The following SDK1 variants were observed in gnomAD, a reference collection of about 807,000 sequenced individuals.
SDK1 encodes protein sidekick-1.
A neutral mutation model predicts 245.5 loss-of-function variants in SDK1; 157 were observed. The observed-to-expected ratio is 0.64, with a 90% confidence interval of 0.56 to 0.73. SDK1 has a LOEUF of 0.73. Among genes scored for constraint, SDK1 ranks in the 30% least tolerant of loss-of-function variants. The probability of loss-of-function intolerance (pLI) is 0.00; values close to 1 mark genes in which losing one functional copy is unlikely to be tolerated. For missense variants in SDK1, 3,583 were observed against 3,002.3 expected (o/e 1.19, Z -4.52); for synonymous variants, 1,647 against 1,278.5 (o/e 1.29, Z -6.15).
chr7:4,201,714 C>T (rs981871136), intron 35 of SDK1, among the ~76,000 whole-genome samples: 3 of 150,198 alleles, frequency 2.0e-5, no homozygotes, highest in Non-Finnish European at 1.5e-5. Context: ...AGACACCCAG[C>T]ATGGCACAGG....
In SDK1 at chr7:3,434,995, A is replaced by G. The variant is rs78606216; in HGVS notation, c.298+133111A>G. ...CAACAATTTTTGAATACTTTTCCTA[A>G]CTGTCAAATCTCCGTCTGGATCCCA... On this transcript the variant is annotated intron_variant, in intron 1 of 44. Coordinates refer to ENST00000404826, the MANE Select transcript of SDK1 (RefSeq NM_152744.4). Among the ~76,000 whole-genome samples the G allele has an allele frequency of 1.5e-4, 23 of 152,328 alleles. 1 individual carries two copies. The East Asian group carries it at 4.4e-3, about 29-fold the overall frequency.
intron 21 of SDK1, 56 bp downstream of exon 21, chr7:4,077,245 A>G: frequency 6.5e-7 from 1 of 1,540,660 alleles, no homozygotes; most frequent in Non-Finnish European, 8.9e-7. Flanking sequence ...GAGATTCCCG[A>G]GGCTAGAAGT....
At chr7:3,898,597 G>A (rs1324326984) in intron 5 of SDK1, among the ~76,000 whole-genome samples, 1 of 152,022 alleles carries the variant, frequency 6.6e-6, no homozygotes, top group Non-Finnish European at 1.5e-5. Flanking sequence ...ACATCCTGTT[G>A]TCCTTAAGGA....
chr7:3,656,207 T>C (rs976158571), intron 4 of SDK1, among the ~76,000 whole-genome samples: 4 of 152,190 alleles, frequency 2.6e-5, no homozygotes, highest in Non-Finnish European at 4.4e-5. Context: ...CCTTCCCTTC[T>C]CCTTTACTTC....
intron 5 of SDK1, among the ~76,000 whole-genome samples, chr7:3,834,734 C>T (rs1779992403): frequency 6.6e-6 from 1 of 152,130 alleles, no homozygotes; most frequent in African/African-American, 2.4e-5. Context: ...GTAAGTTCCG[C>T]GAGGATAGGG....
chr7:4,237,666 C>G lies in SDK1; in HGVS notation c.6012C>G (p.Phe2004Leu). The G allele has an allele frequency of 6.2e-7, 1 of 1,614,200 alleles. No homozygotes were observed. Among genetic ancestry groups the G allele is most frequent in the Non-Finnish European group, 8.5e-7 (1 of 1,180,030 alleles). The change falls in exon 42 of 45, where the codon TTC (phenylalanine) becomes TTG (leucine). Residue 2004 changes from phenylalanine to leucine, a missense_variant. Physicochemically the swap from Phe to Leu is conservative, Grantham distance 22. Transcript: ENST00000404826. ...TAVSAQVEAP[F>L]YEEWWFLLVM... ...CCACAGCTCAAGTGGAAGCCCCATT[C>G]TACGAGGAGTGGTGGTTCCTCCTGG...
chr7:3,595,708 G>A (rs1011988148), intron 1 of SDK1, among the ~76,000 whole-genome samples: 3 of 151,484 alleles, frequency 2.0e-5, no homozygotes, highest in East Asian at 3.9e-4. Flanking sequence ...CCAGTTCAAA[G>A]TTAGACTTTG....
intron 10 of SDK1, among the ~76,000 whole-genome samples, chr7:3,967,854 G>A (rs1051444166): frequency 6.6e-6 from 1 of 152,236 alleles, no homozygotes; most frequent in African/African-American, 2.4e-5. Context: ...TTCCAAACAG[G>A]TCTGCAGCCC....
rs138621330 is a variant in SDK1, at chr7:3,512,211, A to C, written c.299-106869A>C. Among the ~76,000 whole-genome samples, 175 of 152,160 alleles carry C rather than the reference A, an allele frequency of 1.2e-3. 1 individual carries two copies. The highest frequency in any genetic ancestry group is 4.0e-3 in the African/African-American group (167 of 41,516). ...GAATGTCGTATCATTGGGATCATAC[A>C]GAATATAGACTTTTCAGACTGATAA... On this transcript the variant is annotated intron_variant, in intron 1 of 44. Transcript: ENST00000404826.
intron 17 of SDK1, among the ~76,000 whole-genome samples, chr7:4,043,024 C>A (rs553534846): frequency 6.6e-6 from 1 of 152,366 alleles, no homozygotes; most frequent in Admixed American, 6.5e-5. Flanking sequence ...TAGAACCTCC[C>A]TTGTCCTGTG....
chr7:3,862,004 A>G (rs1310657457), intron 5 of SDK1, among the ~76,000 whole-genome samples: 2 of 152,212 alleles, frequency 1.3e-5, no homozygotes, highest in Non-Finnish European at 2.9e-5. Flanking sequence ...CAGCAAACAA[A>G]GGCTGCCGAG....
chr7:3,337,711 T>G (rs1014937476), intron 1 of SDK1, among the ~76,000 whole-genome samples: 6 of 152,208 alleles, frequency 3.9e-5, no homozygotes, highest in African/African-American at 9.7e-5. Context: ...TCATCTGGAA[T>G]GATGGTGGCC....
chr7:3,523,280 T>C (rs1018257995), intron 1 of SDK1, among the ~76,000 whole-genome samples: 4 of 152,184 alleles, frequency 2.6e-5, no homozygotes, highest in African/African-American at 9.6e-5. Context: ...GTTACAGATG[T>C]CTTCTCAGTG....
At chr7:3,697,315 A>T (rs1369392663) in intron 4 of SDK1, among the ~76,000 whole-genome samples, 1 of 152,170 alleles carries the variant, frequency 6.6e-6, no homozygotes, top group African/African-American at 2.4e-5. Context: ...TTCCCGCTGC[A>T]ATTTACAGTG....
chr7:3,324,113 C>A (rs1347656604), intron 1 of SDK1, among the ~76,000 whole-genome samples: 3 of 152,076 alleles, frequency 2.0e-5, no homozygotes, highest in Non-Finnish European at 2.9e-5. Context: ...GGGAGATACT[C>A]ATGTTTTTCT....
intron 1 of SDK1, among the ~76,000 whole-genome samples, chr7:3,418,887 C>G (rs1454232422): frequency 6.6e-6 from 1 of 152,178 alleles, no homozygotes; most frequent in East Asian, 1.9e-4. Flanking sequence ...CTCAGTCTTA[C>G]AGTCAGCCCT....
Position 4,267,621 on chromosome 7 carries a change from A to G in SDK1, c.*2237A>G. The G allele has an allele frequency of 1.0e-6, 1 of 985,474 alleles. No homozygotes were observed. Among genetic ancestry groups the G allele is most frequent in the Non-Finnish European group, 1.2e-6 (1 of 829,926 alleles). 61.0% of individuals were successfully genotyped at this position (985,474 alleles called of 1,614,324 possible). ...GTGCACTCTGATGACTGCTCTCTGC[A>G]GCCATGAGGATGTGGCTTTACATGC... is the stretch of plus-strand genomic sequence containing the variant. On this transcript the variant is annotated 3_prime_UTR_variant, in exon 45 of 45. Coordinates refer to ENST00000404826, the MANE Select transcript of SDK1 (RefSeq NM_152744.4).
chr7:3,677,460 C>G (rs149865019), intron 4 of SDK1, among the ~76,000 whole-genome samples: 1 of 152,288 alleles, frequency 6.6e-6, no homozygotes, highest in East Asian at 1.9e-4. Context: ...GTCTTACATG[C>G]TGGCAGACAA....
At chr7:3,920,257 G>A (rs1313664773) in intron 5 of SDK1, among the ~76,000 whole-genome samples, 2 of 152,188 alleles carry the variant, frequency 1.3e-5, no homozygotes, top group African/African-American at 2.4e-5. Context: ...CTTAGCCTAG[G>A]GGTGTTTTAG....
Sources: gnomAD v4.1 joint callset for allele counts (sites outside exome capture counted in the v4.1 genomes callset) on GRCh38, gnomAD v4.1.1 for gene constraint, MANE v1.5 for transcripts, NCBI Gene and HGNC (gene_info 2026-07-23, HGNC 2026-07-21) for gene names.